TLE1: variants seen among roughly 807,000 people sequenced by gnomAD.
TLE1 encodes the protein transducin-like enhancer protein 1.
Under a neutral mutation model 89.8 loss-of-function variants are expected in TLE1, and 21 were observed. The observed-to-expected ratio is 0.23, with a 90% CI of 0.17 to 0.34. The LOEUF is 0.34. TLE1 is among the 10% of genes least tolerant of loss of function. The pLI is 1.00. For missense variants in TLE1, 795 were observed against 1,031.2 expected (o/e 0.77, Z 3.14); for synonymous variants, 447 against 407.6 (o/e 1.10, Z -1.16).
intron 6 of TLE1, among the ~76,000 whole-genome samples, chr9:81,640,252 C>A (rs932723328): frequency 2.0e-5 from 3 of 152,108 alleles, no homozygotes; most frequent in African/African-American, 7.2e-5. Context: ...AAAAGACTTG[C>A]CAAATTCTTG....
intron 8 of TLE1, among the ~76,000 whole-genome samples, chr9:81,621,311 C>T (rs1825225961): frequency 6.6e-6 from 1 of 152,202 alleles, no homozygotes; most frequent in Non-Finnish European, 1.5e-5. Context: ...TTTGGGGTCA[C>T]ATGACATGAT....
At position 81,672,999 on chromosome 9, in the gene TLE1, G is replaced by A. The variant is rs958851898; in HGVS notation, c.234+12677C>T. On this transcript the variant is annotated intron_variant, in intron 4 of 19. Transcript: ENST00000376499. ...ATAAAGACTGCCAACAAGGCCGGAC[G>A]CGGTGGCTCACGCCTGTAATCCCAG... Among the ~76,000 whole-genome samples the A allele has an allele frequency of 6.6e-5, 10 of 151,712 alleles. No homozygotes were observed. In the East Asian group the frequency reaches 9.7e-4, roughly 15 times the overall value.
intron 6 of TLE1, among the ~76,000 whole-genome samples, chr9:81,640,050 G>C (rs1233588953): frequency 6.6e-6 from 1 of 151,996 alleles, no homozygotes; most frequent in Non-Finnish European, 1.5e-5. Flanking sequence ...GCGGGGGAGG[G>C]AAAAGAATGC....
chr9:81,616,993 G>T (rs148848896), intron 9 of TLE1, among the ~76,000 whole-genome samples: 3 of 152,158 alleles, frequency 2.0e-5, no homozygotes, highest in African/African-American at 7.2e-5. Flanking sequence ...TTGGCAGATT[G>T]TAAGAGCTCA....
At chr9:81,671,763 G>A (rs2132953375) in intron 4 of TLE1, among the ~76,000 whole-genome samples, 1 of 152,254 alleles carries the variant, frequency 6.6e-6, no homozygotes, top group East Asian at 1.9e-4. Flanking sequence ...ATCTAGGGTA[G>A]TCGATTATAA....
At chr9:81,633,295 G>C in intron 8 of TLE1, 53 bp downstream of exon 8, 1 of 281,354 alleles carries the variant, frequency 3.6e-6, no homozygotes, top group South Asian at 1.3e-4. Context: ...GACCGTGTGT[G>C]TGTGTGTGTG....
At chr9:81,594,354 A>G (rs1829933123) in intron 14 of TLE1, among the ~76,000 whole-genome samples, 1 of 152,134 alleles carries the variant, frequency 6.6e-6, no homozygotes, top group Non-Finnish European at 1.5e-5. Context: ...GCAGCCATAA[A>G]AAAAAGGATG....
intron 6 of TLE1, among the ~76,000 whole-genome samples, chr9:81,639,995 T>TCC (rs1454592541): frequency 6.6e-6 from 1 of 151,888 alleles, no homozygotes; most frequent in Non-Finnish European, 1.5e-5. Flanking sequence ...TTGACACCCC[T>TCC]CCCCTCCCTG....
At position 81,616,529 on chromosome 9, in the gene TLE1, G is replaced by A. The variant is rs149661433; in HGVS notation, c.765+117C>T. 2.0e-4 allele frequency: 197 copies of A among 961,830 alleles called. No homozygotes were observed. In the East Asian group the frequency reaches 4.7e-3, roughly 23 times the overall value. 59.6% of individuals were successfully genotyped at this position (961,830 alleles called of 1,614,324 possible). On this transcript the variant is annotated intron_variant, in intron 10 of 19. Coordinates refer to ENST00000376499, the MANE Select transcript of TLE1 (RefSeq NM_005077.5). ...AGCAACCATTAACTTCTTAATGTAA[G>A]AAGTTGCAAGAGGTCCCCCCACCGA... is the stretch of plus-strand genomic sequence containing the variant.
chr9:81,600,261 C>G, intron 14 of TLE1: 1 of 574,296 alleles, frequency 1.7e-6, no homozygotes. Context: ...ATTATCCAAG[C>G]AAGAAATATA....
intron 14 of TLE1, among the ~76,000 whole-genome samples, chr9:81,597,514 T>C (rs548605776): frequency 5.3e-5 from 8 of 152,206 alleles, no homozygotes; most frequent in East Asian, 3.9e-4. Flanking sequence ...GAGATGGACG[T>C]TTGGATAGAA....
intron 4 of TLE1, among the ~76,000 whole-genome samples, chr9:81,684,458 A>G (rs1223967511): frequency 6.6e-6 from 1 of 152,238 alleles, no homozygotes; most frequent in Non-Finnish European, 1.5e-5. Context: ...AATGTACACG[A>G]TAACTTAACA....
At position 81,653,403 on chromosome 9, in the gene TLE1, T is replaced by C. The variant is rs78585658; in HGVS notation, c.297+571A>G. Among the ~76,000 whole-genome samples the C allele has an allele frequency of 2.5e-3, 386 of 152,350 alleles. 3 individuals carry two copies. The highest frequency in any genetic ancestry group is 8.8e-3 in the African/African-American group (364 of 41,586). On this transcript the variant is annotated intron_variant, in intron 5 of 19. Coordinates refer to ENST00000376499, the MANE Select transcript of TLE1 (RefSeq NM_005077.5). ...AATAGTCTTGAGTCAGTTTCATAGA[T>C]TACTCATATAAAGAGATTCCTCCCT...
chr9:81,638,929 A>G (rs969445848), intron 6 of TLE1, among the ~76,000 whole-genome samples: 3 of 151,044 alleles, frequency 2.0e-5, no homozygotes, highest in African/African-American at 4.9e-5. Flanking sequence ...CAGCCGATAC[A>G]TGCATTTTTT....
chr9:81,654,647 A>G (rs1342968257), intron 4 of TLE1, among the ~76,000 whole-genome samples: 1 of 152,034 alleles, frequency 6.6e-6, no homozygotes, highest in Admixed American at 6.6e-5. Context: ...AGCCAAGTGT[A>G]CTTTTTCAAT....
At chr9:81,668,649 A>G (rs552727752) in intron 4 of TLE1, among the ~76,000 whole-genome samples, 1 of 152,318 alleles carries the variant, frequency 6.6e-6, no homozygotes, top group African/African-American at 2.4e-5. Context: ...CGTATGGGAC[A>G]GAATCTATTC....
chr9:81,609,242 G>A (rs941552892), intron 14 of TLE1, among the ~76,000 whole-genome samples: 5 of 151,930 alleles, frequency 3.3e-5, no homozygotes, highest in Non-Finnish European at 7.4e-5. Context: ...ATACCACCAC[G>A]CCCAGCTAAT....
intron 8 of TLE1, among the ~76,000 whole-genome samples, chr9:81,624,793 TAAAC>T (rs1313887931): frequency 1.3e-5 from 2 of 152,058 alleles, no homozygotes; most frequent in Non-Finnish European, 2.9e-5. Context: ...AATAAACAAA[TAAAC>T]AAAATCACCT....
intron 8 of TLE1, among the ~76,000 whole-genome samples, chr9:81,626,050 C>G (rs1255032397): frequency 6.6e-6 from 1 of 152,028 alleles, no homozygotes; most frequent in Non-Finnish European, 1.5e-5. Context: ...CCTGAAACCA[C>G]CAGCAGCAAA....
Sources: gnomAD v4.1 joint callset for allele counts (sites outside exome capture counted in the v4.1 genomes callset) on GRCh38, gnomAD v4.1.1 for gene constraint, MANE v1.5 for transcripts, NCBI Gene and HGNC (gene_info 2026-07-23, HGNC 2026-07-21) for gene names.